Variants in SHLD1 observed in about 807,000 individuals in gnomAD.
SHLD1 encodes the protein RINN1-REV7-interacting novel NHEJ regulator 3.
SHLD1 carries 3 observed loss-of-function variants against 5.5 expected under a neutral mutation model. The observed-to-expected ratio is 0.54, with a 90% CI of 0.25 to 1.40. The LOEUF is 1.40. SHLD1 is among the 40% of genes most tolerant of loss of function. SHLD1 has a pLI of 0.15. For synonymous variants in SHLD1, 92 were observed against 94.3 expected, an observed-to-expected ratio of 0.98 and a Z score of 0.14; for missense variants, 210 against 244.4, an observed-to-expected ratio of 0.86 and a Z score of 0.94.
At chr20:5,792,304 A>G (rs1386887477) in intron 2 of SHLD1, among the ~76,000 whole-genome samples, 2 of 152,132 alleles carry the variant, frequency 1.3e-5, no homozygotes, top group Admixed American at 6.6e-5. Context: ...GCTTTCTTCT[A>G]GGAGTTTTAT....
At chr20:5,859,851 G>A (rs778539661) in intron 2 of SHLD1, among the ~76,000 whole-genome samples, 1 of 152,192 alleles carries the variant, frequency 6.6e-6, no homozygotes, top group Non-Finnish European at 1.5e-5. Context: ...AAAAGTATAG[G>A]AGACAGCTAG....
intron 2 of SHLD1, among the ~76,000 whole-genome samples, chr20:5,820,358 GT>G (rs1162772824): frequency 6.6e-6 from 1 of 152,240 alleles, no homozygotes; most frequent in East Asian, 1.9e-4. Flanking sequence ...ATACAAAAGA[GT>G]ATTTGGTAGA....
intron 2 of SHLD1, among the ~76,000 whole-genome samples, chr20:5,784,706 T>C (rs1259820078): frequency 6.6e-6 from 1 of 152,204 alleles, no homozygotes; most frequent in Non-Finnish European, 1.5e-5. Flanking sequence ...CGCCTCAGCC[T>C]CCCAAAGTGC....
intron 1 of SHLD1, among the ~76,000 whole-genome samples, chr20:5,753,773 A>C (rs1267288780): frequency 6.6e-6 from 1 of 152,182 alleles, no homozygotes; most frequent in Non-Finnish European, 1.5e-5. Flanking sequence ...CACCTGGTCC[A>C]ACCAACCCTC....
chr20:5,851,461 A>G (rs952547392), intron 2 of SHLD1, among the ~76,000 whole-genome samples: 5 of 151,782 alleles, frequency 3.3e-5, no homozygotes, highest in African/African-American at 1.2e-4. Context: ...ACTCTGCTCT[A>G]GCTTAGGTAA....
intron 2 of SHLD1, among the ~76,000 whole-genome samples, chr20:5,810,130 G>A (rs879858869): frequency 5.9e-5 from 9 of 151,906 alleles, no homozygotes; most frequent in Non-Finnish European, 1.2e-4. Flanking sequence ...GATGCTGCGC[G>A]CCTGTAATCG....
chr20:5,787,750 A>G (rs2087079553), intron 2 of SHLD1, among the ~76,000 whole-genome samples: 1 of 152,250 alleles, frequency 6.6e-6, no homozygotes, highest in Non-Finnish European at 1.5e-5. Flanking sequence ...AGGTTTAAAA[A>G]TGGAGATCAA....
At chr20:5,844,141 T>A (rs76821957) in intron 2 of SHLD1, among the ~76,000 whole-genome samples, 3,070 of 152,298 alleles carry the variant, frequency 0.02, 77 homozygotes, top group East Asian at 0.099. Context: ...TTGAGAGTGA[T>A]CTCCTATAAC....
chr20:5,756,803 G>A (rs1489111244), intron 1 of SHLD1: 1 of 287,744 alleles, frequency 3.5e-6, no homozygotes, highest in Non-Finnish European at 7.0e-6. Context: ...CAAAGTGTTG[G>A]GATTACAGGC....
chr20:5,791,699 C>T (rs1170373701), intron 2 of SHLD1, among the ~76,000 whole-genome samples: 1 of 151,020 alleles, frequency 6.6e-6, no homozygotes, highest in Non-Finnish European at 1.5e-5. Flanking sequence ...AATGAAAAGA[C>T]AGGCCACAGA....
intron 2 of SHLD1, among the ~76,000 whole-genome samples, chr20:5,850,354 G>A (rs950813374): frequency 6.6e-6 from 1 of 151,754 alleles, no homozygotes; most frequent in African/African-American, 2.4e-5. Context: ...CTCTTGTAAG[G>A]ATTCTCTGCA....
chr20:5,830,710 A>G (rs969020375), intron 2 of SHLD1, among the ~76,000 whole-genome samples: 1 of 149,984 alleles, frequency 6.7e-6, no homozygotes, highest in Non-Finnish European at 1.5e-5. Flanking sequence ...AAAAAAAGCA[A>G]TGTAGGTGTT....
chr20:5,843,172 G>T (rs879546633), intron 2 of SHLD1, among the ~76,000 whole-genome samples: 1 of 152,122 alleles, frequency 6.6e-6, no homozygotes, highest in African/African-American at 2.4e-5. Flanking sequence ...AGACATATGA[G>T]GGCATGTCAG....
intron 2 of SHLD1, among the ~76,000 whole-genome samples, chr20:5,846,748 T>A (rs1190782677): frequency 6.6e-6 from 1 of 152,218 alleles, no homozygotes. Flanking sequence ...ATAGATTTAT[T>A]CCAGCTGAAG....
chr20:5,862,503 C>T (rs1008229692), intron 2 of SHLD1, among the ~76,000 whole-genome samples: 1 of 152,208 alleles, frequency 6.6e-6, no homozygotes, highest in African/African-American at 2.4e-5. Context: ...TGTTATAAGC[C>T]CTAATAAACT....
rs148167821 is a variant in SHLD1, at chr20:5,777,961, G to A, written c.178+4918G>A. ...ATTTTAAAACAATTTTTATTTTGCT[G>A]TGCACTCTGCAATTCTGTAGTACTT... On this transcript the variant is annotated intron_variant, in intron 2 of 2. Coordinates refer to ENST00000303142, the MANE Select transcript of SHLD1 (RefSeq NM_152504.4). 5.1e-3 allele frequency among the ~76,000 whole-genome samples: 783 copies of A among 152,104 alleles called. 6 individuals carry two copies. The highest frequency in any genetic ancestry group is 0.018 in the African/African-American group (760 of 41,484).
intron 1 of SHLD1, among the ~76,000 whole-genome samples, chr20:5,756,469 C>T (rs552288076): frequency 2.0e-5 from 3 of 152,216 alleles, no homozygotes; most frequent in Admixed American, 6.5e-5. Flanking sequence ...TTTCAGTATA[C>T]ATCTTACATG....
chr20:5,828,714 A>C (rs1391367369), intron 2 of SHLD1, among the ~76,000 whole-genome samples: 2 of 152,216 alleles, frequency 1.3e-5, no homozygotes, highest in Non-Finnish European at 2.9e-5. Flanking sequence ...GTGCCAAGTA[A>C]AATATATTTG....
chr20:5,780,650 C>T lies in SHLD1; in HGVS notation c.178+7607C>T, dbSNP rs114020550. Among the ~76,000 whole-genome samples the T allele has an allele frequency of 7.8e-3, 1,193 of 152,260 alleles. 10 individuals are homozygous for T. Among genetic ancestry groups the T allele is most frequent in the African/African-American group, 0.025 (1,045 of 41,540 alleles). The stretch of plus-strand genomic sequence containing the variant: ...TAGGCTTAACTTGTGTAAAGGATTC[C>T]CCATTTCACCTTGCAGCTGCCCCTG... On this transcript the variant is annotated intron_variant, in intron 2 of 2. Transcript: ENST00000303142.
Sources: gnomAD v4.1 joint callset for allele counts (sites outside exome capture counted in the v4.1 genomes callset) on GRCh38, gnomAD v4.1.1 for gene constraint, MANE v1.5 for transcripts, NCBI Gene and HGNC (gene_info 2026-07-23, HGNC 2026-07-21) for gene names.